The following DISC1 variants were observed in gnomAD, a reference collection of about 807,000 sequenced individuals.
DISC1 encodes the protein disrupted in schizophrenia 1 protein.
In DISC1, 57 loss-of-function variants were observed where a neutral mutation model predicts 84.5. The observed-to-expected ratio is 0.67, with a 90% confidence interval of 0.55 to 0.84. The LOEUF is 0.84. Among genes scored for constraint, DISC1 ranks in the 40% least tolerant of loss-of-function variants. The pLI, the probability that DISC1 is intolerant of heterozygous loss-of-function variation, is 0.00. For synonymous variants in DISC1, 411 were observed against 415.2 expected, an observed-to-expected ratio of 0.99 and a Z score of 0.12; for missense variants, 1,000 against 1,057.8, an observed-to-expected ratio of 0.95 and a Z score of 0.76.
intron 9 of DISC1, among the ~76,000 whole-genome samples, chr1:231,924,452 G>A (rs544164129): frequency 4.6e-5 from 7 of 152,288 alleles, no homozygotes; most frequent in Admixed American, 3.3e-4. Flanking sequence ...GCCTTTGTGC[G>A]ATGTTCAGCA....
intron 5 of DISC1, among the ~76,000 whole-genome samples, chr1:231,768,283 C>T (rs2076305132): frequency 6.6e-6 from 1 of 152,146 alleles, no homozygotes; most frequent in South Asian, 2.1e-4. Context: ...AAGTTCAAAT[C>T]CTGGCTTAGG....
intron 3 of DISC1, among the ~76,000 whole-genome samples, chr1:231,704,314 C>T (rs1216686759): frequency 6.6e-6 from 1 of 152,054 alleles, no homozygotes; most frequent in African/African-American, 2.4e-5. Context: ...TCTGCAGTGC[C>T]CAGGATGGGG....
chr1:231,716,687 A>C (rs2068774752), intron 3 of DISC1, among the ~76,000 whole-genome samples: 1 of 152,168 alleles, frequency 6.6e-6, no homozygotes, highest in Admixed American at 6.5e-5. Flanking sequence ...TCTTCTGATT[A>C]TGTTTCTGTG....
At chr1:231,886,459 G>A (rs1438474268) in intron 9 of DISC1, among the ~76,000 whole-genome samples, 1 of 152,164 alleles carries the variant, frequency 6.6e-6, no homozygotes, top group Non-Finnish European at 1.5e-5. Context: ...CATACATTGT[G>A]GGTAACTGAA....
At position 232,009,003 on chromosome 1, in the gene DISC1, C is replaced by G; in HGVS notation, c.2261C>G (p.Thr754Ser). Residue 754 changes from threonine (T) to serine (S), a missense_variant, in exon 11 of 13, where the codon ACT becomes AGT. By Grantham distance (58) the Thr-to-Ser change is moderately conservative. Coordinates refer to ENST00000439617, the MANE Select transcript of DISC1 (RefSeq NM_018662.3). The surrounding 1 kb of genome is among the most constrained non-coding windows in gnomAD (Gnocchi z 4.6). ...TTGAAGGTATTGGAAGAATGGAAGACTCACCTCATCCCCTCTCTGCACTGT... is the reference window on the plus strand; with the variant it reads ...TTGAAGGTATTGGAAGAATGGAAGAGTCACCTCATCCCCTCTCTGCACTGT... ...TPLKVLEEWK[T>S]HLIPSLHCAG... 6.2e-7 allele frequency: 1 copy of G among 1,613,918 alleles called. No individual in the cohort carries two copies. The highest frequency in any genetic ancestry group is 8.5e-7 in the Non-Finnish European group (1 of 1,179,826).
At chr1:231,723,569 G>A in intron 3 of DISC1, 1 of 985,434 alleles carries the variant, frequency 1.0e-6, no homozygotes, top group Non-Finnish European at 1.2e-6. Context: ...CTTCTCTGAT[G>A]GCCTGTCCAG....
intron 9 of DISC1, among the ~76,000 whole-genome samples, chr1:231,841,264 C>T (rs1374690899): frequency 6.6e-6 from 1 of 152,162 alleles, no homozygotes; most frequent in Non-Finnish European, 1.5e-5. Flanking sequence ...TCTATTAGTG[C>T]ATTATTATCT....
At chr1:231,753,643 A>T (rs2074842715) in intron 4 of DISC1, among the ~76,000 whole-genome samples, 1 of 152,180 alleles carries the variant, frequency 6.6e-6, no homozygotes, top group South Asian at 2.1e-4. Flanking sequence ...TACTTATGCA[A>T]ATTTTTGCAG....
At chr1:231,743,283 A>C (rs1558464150) in intron 3 of DISC1, among the ~76,000 whole-genome samples, 1 of 152,356 alleles carries the variant, frequency 6.6e-6, no homozygotes, top group East Asian at 1.9e-4. Context: ...AGATTATCTC[A>C]GTTAATCCTC....
chr1:231,712,331 G>T (rs1295710581), intron 3 of DISC1, among the ~76,000 whole-genome samples: 1 of 152,064 alleles, frequency 6.6e-6, no homozygotes, highest in Non-Finnish European at 1.5e-5. Flanking sequence ...TTTATATACG[G>T]CATAACCACC....
rs539093676 is a variant in DISC1 at position 231,792,124 on chromosome 1, T to C, written c.1635-3118T>C. Among the ~76,000 whole-genome samples, 8 of 152,320 alleles carry C rather than the reference T, an allele frequency of 5.3e-5. No homozygotes were observed. In the South Asian group the frequency reaches 1.4e-3, roughly 28 times the overall value. On this transcript the variant is annotated intron_variant, in intron 6 of 12. Transcript: ENST00000439617. ...ACCCCAGGGATACAACTAATGTTAATAGTAGCCTGAGCAAAACGTAATTGG... is the reference window on the plus strand; with the variant it reads ...ACCCCAGGGATACAACTAATGTTAACAGTAGCCTGAGCAAAACGTAATTGG...
chr1:231,952,682 T>C (rs1238000330), intron 9 of DISC1, among the ~76,000 whole-genome samples: 1 of 133,116 alleles, frequency 7.5e-6, no homozygotes, highest in Non-Finnish European at 1.5e-5. Flanking sequence ...GTCTCTCATA[T>C]ATATATGTTT....
chr1:231,887,671 T>C (rs1028748312), intron 9 of DISC1, among the ~76,000 whole-genome samples: 2 of 152,252 alleles, frequency 1.3e-5, no homozygotes, highest in African/African-American at 4.8e-5. Context: ...TTTCTGTTGT[T>C]TAAAACATGG....
chr1:231,917,424 T>G lies in DISC1; in HGVS notation c.1982-41404T>G, dbSNP rs181382105. Among the ~76,000 whole-genome samples, 80 of 152,360 alleles carry G rather than the reference T, an allele frequency of 5.3e-4. 1 individual carries two copies. The Middle Eastern group carries it at 0.027, about 52-fold the overall frequency. ...ATAATATGAAGCGAAGCGATCACTC[T>G]TATATTTGGGGAGTGTTTTAGAGTC... On this transcript the variant is annotated intron_variant, in intron 9 of 12. Coordinates refer to ENST00000439617, the MANE Select transcript of DISC1 (RefSeq NM_018662.3).
chr1:231,779,592 G>A (rs146017680), intron 6 of DISC1, among the ~76,000 whole-genome samples: 2,046 of 117,848 alleles, frequency 0.017, 44 homozygotes, highest in African/African-American at 0.061. Flanking sequence ...ATGGAGTCTC[G>A]CTCTGTCGCC....
intron 9 of DISC1, among the ~76,000 whole-genome samples, chr1:231,918,993 T>A (rs2089825220): frequency 6.6e-6 from 1 of 152,222 alleles, no homozygotes. Flanking sequence ...AGTATAACCT[T>A]CCATGAAGCT....
chr1:231,767,024 C>T, intron 4 of DISC1, 116 bp from the exon 5 acceptor site: 2 of 1,362,094 alleles, frequency 1.5e-6, no homozygotes, highest in South Asian at 1.3e-5. Context: ...AAGTACCCTC[C>T]TAAGTATGAG....
At chr1:231,776,033 T>G (rs1488136344) in intron 6 of DISC1, among the ~76,000 whole-genome samples, 1 of 152,168 alleles carries the variant, frequency 6.6e-6, no homozygotes, top group Non-Finnish European at 1.5e-5. Flanking sequence ...TTCCATCTAT[T>G]TATTTGGCGT....
At chr1:232,007,182 G>GTA (rs1667569332) in intron 10 of DISC1, among the ~76,000 whole-genome samples, 1 of 152,186 alleles carries the variant, frequency 6.6e-6, no homozygotes, top group East Asian at 1.9e-4. Context: ...AGGGAAATGT[G>GTA]GGGTCAGAGC....
Sources: allele counts gnomAD v4.1 joint callset (sites outside exome capture counted in the v4.1 genomes callset), GRCh38; gene constraint gnomAD v4.1.1; non-coding constraint Gnocchi (gnomAD v3.1); transcripts MANE v1.5; gene names NCBI Gene and HGNC (gene_info 2026-07-23, HGNC 2026-07-21).